The following TNKS variants were observed in gnomAD, a reference collection of about 807,000 sequenced individuals.
The protein encoded by TNKS is poly [ADP-ribose] polymerase tankyrase-1.
Under a neutral mutation model 135.8 loss-of-function variants are expected in TNKS, and 72 were observed. The observed-to-expected ratio is 0.53, with a 90% CI of 0.44 to 0.64. TNKS has a LOEUF of 0.64. Ranked by LOEUF, TNKS falls within the 30% of genes least tolerant of loss-of-function variation. The pLI is 0.00. For missense variants in TNKS, 1,769 were observed against 1,674.0 expected (o/e 1.06, Z -0.99); for synonymous variants, 849 against 649.3 (o/e 1.31, Z -4.68).
At chr8:9,757,057 A>G (rs1806871727) in intron 20 of TNKS, among the ~76,000 whole-genome samples, 1 of 151,952 alleles carries the variant, frequency 6.6e-6, no homozygotes, top group African/African-American at 2.4e-5. Flanking sequence ...GCTCACTGCA[A>G]CCTCCGCCTC....
chr8:9,724,481 C>T (rs926888691), intron 12 of TNKS, among the ~76,000 whole-genome samples: 1 of 152,152 alleles, frequency 6.6e-6, no homozygotes, highest in Non-Finnish European at 1.5e-5. Flanking sequence ...AGCATACTTA[C>T]AAAGAATTTT....
At chr8:9,684,312 T>A (rs1340480076) in intron 5 of TNKS, among the ~76,000 whole-genome samples, 1 of 152,092 alleles carries the variant, frequency 6.6e-6, no homozygotes, top group East Asian at 1.9e-4. Flanking sequence ...TGGCCTTGTT[T>A]GATATCTAAA....
intron 14 of TNKS, 97 bp downstream of exon 14, chr8:9,731,132 G>A (rs1034149379): frequency 6.1e-6 from 8 of 1,314,768 alleles, no homozygotes; most frequent in Non-Finnish European, 6.0e-6. Flanking sequence ...TATTAAAAAA[G>A]TAATCGTTAT....
At chr8:9,595,894 CT>C (rs1437929309) in intron 2 of TNKS, among the ~76,000 whole-genome samples, 1 of 152,104 alleles carries the variant, frequency 6.6e-6, no homozygotes, top group Non-Finnish European at 1.5e-5. Flanking sequence ...GGGAGGATTG[CT>C]TGAGTTCAGA....
intron 13 of TNKS, among the ~76,000 whole-genome samples, chr8:9,728,729 T>C (rs1210543846): frequency 1.3e-5 from 2 of 152,332 alleles, no homozygotes; most frequent in East Asian, 3.9e-4. Flanking sequence ...ACAGACTCAT[T>C]TGTCATGAAA....
At chr8:9,710,860 C>T (rs914303603) in intron 11 of TNKS, among the ~76,000 whole-genome samples, 1 of 152,062 alleles carries the variant, frequency 6.6e-6, no homozygotes, top group Non-Finnish European at 1.5e-5. Flanking sequence ...TGCGCCACTA[C>T]ACTCCAGCCT....
chr8:9,756,369 A>T (rs754734031), intron 20 of TNKS, among the ~76,000 whole-genome samples: 1 of 152,092 alleles, frequency 6.6e-6, no homozygotes, highest in African/African-American at 2.4e-5. Context: ...AGCTAGAGGT[A>T]GCTCTTTTTG....
At chr8:9,775,065 G>A (rs995926805) in intron 26 of TNKS, among the ~76,000 whole-genome samples, 3 of 152,012 alleles carry the variant, frequency 2.0e-5, no homozygotes, top group South Asian at 2.1e-4. Context: ...CTCAATACAC[G>A]GATGCTAGTG....
chr8:9,570,261 G>A (rs955340274), intron 1 of TNKS, among the ~76,000 whole-genome samples: 1 of 152,142 alleles, frequency 6.6e-6, no homozygotes, highest in South Asian at 2.1e-4. Context: ...GCAATAAAGC[G>A]AGATCCCTGT....
rs548739023 is a variant in TNKS, at chr8:9,781,118, G to C, written c.*4382G>C. 3.6e-4 allele frequency: 55 copies of C among 152,330 alleles called. No individual in the cohort carries two copies. The highest frequency in any genetic ancestry group is 1.3e-3 in the African/African-American group (53 of 41,574). 9.4% of individuals were successfully genotyped at this position (152,330 alleles called of 1,614,324 possible). A position where few individuals can be genotyped will look rare whatever the true frequency, so the allele number is the denominator to read the frequency against. On this transcript the variant is annotated 3_prime_UTR_variant, in exon 27 of 27. Coordinates refer to ENST00000310430, the MANE Select transcript of TNKS (RefSeq NM_003747.3). ...CGTAGTATGACGAGTTTTATACATT[G>C]CCAGAGAGTTCTGCCTCCTCTGAAA...
In TNKS at chr8:9,700,968, T is replaced by C. The variant is rs543881889; in HGVS notation, c.1108-3695T>C. On this transcript the variant is annotated intron_variant, in intron 5 of 26. Coordinates refer to ENST00000310430, the MANE Select transcript of TNKS (RefSeq NM_003747.3). The stretch of plus-strand genomic sequence containing the variant: ...TTTTTTTTTGAGACGGAGTCTTGCT[T>C]TGTCGCCCAGGCTGCAGTGCAGTGG... Among the ~76,000 whole-genome samples the C allele has an allele frequency of 3.2e-4, 48 of 151,788 alleles. No individual in the cohort carries two copies. In the Middle Eastern group the frequency reaches 0.01, roughly 32 times the overall value.
chr8:9,596,333 G>C (rs1186064861), intron 2 of TNKS, among the ~76,000 whole-genome samples: 1 of 152,018 alleles, frequency 6.6e-6, no homozygotes, highest in Non-Finnish European at 1.5e-5. Context: ...GAAATGTGGA[G>C]GTAGGTCCAT....
intron 2 of TNKS, among the ~76,000 whole-genome samples, chr8:9,598,773 A>ATATG (rs1798900486): frequency 7.1e-5 from 1 of 14,014 alleles, no homozygotes; most frequent in Non-Finnish European, 1.4e-4. Context: ...GTGTATATAT[A>ATATG]TATATATATA....
chr8:9,587,111 A>G (rs1001350205), intron 2 of TNKS, among the ~76,000 whole-genome samples: 19 of 152,178 alleles, frequency 1.2e-4, no homozygotes, highest in Admixed American at 2.6e-4. Context: ...AAGGTTACAG[A>G]TGGAATTTTG....
intron 11 of TNKS, among the ~76,000 whole-genome samples, chr8:9,717,757 T>C (rs1178817825): frequency 6.6e-6 from 1 of 152,176 alleles, no homozygotes; most frequent in East Asian, 1.9e-4. Context: ...CACAGTCTAC[T>C]TGACTACTAT....
At chr8:9,559,923 G>T (rs1451401635) in intron 1 of TNKS, among the ~76,000 whole-genome samples, 1 of 152,046 alleles carries the variant, frequency 6.6e-6, no homozygotes, top group Non-Finnish European at 1.5e-5. Flanking sequence ...ACAAAATCTT[G>T]TTTCCATTGT....
intron 21 of TNKS, 132 bp from the exon 22 acceptor site, chr8:9,763,015 A>G (rs1260006835): frequency 2.4e-6 from 1 of 415,466 alleles, no homozygotes. Context: ...TCAGGTTCAA[A>G]TTGCAGATAG....
chr8:9,636,287 A>C (rs1400619301), intron 3 of TNKS, among the ~76,000 whole-genome samples: 1 of 152,200 alleles, frequency 6.6e-6, no homozygotes, highest in Non-Finnish European at 1.5e-5. Context: ...ATGTTATTCA[A>C]AGTGATCATG....
chr8:9,592,893 T>C (rs1798639299), intron 2 of TNKS, among the ~76,000 whole-genome samples: 1 of 152,222 alleles, frequency 6.6e-6, no homozygotes, highest in Non-Finnish European at 1.5e-5. Context: ...TATACAAATA[T>C]AAAACACATT....
Sources: allele counts gnomAD v4.1 joint callset (sites outside exome capture counted in the v4.1 genomes callset), GRCh38; gene constraint gnomAD v4.1.1; transcripts MANE v1.5; gene names NCBI Gene and HGNC (gene_info 2026-07-23, HGNC 2026-07-21).